SEMA3D: variants seen among roughly 807,000 people sequenced by gnomAD.
SEMA3D encodes the protein semaphorin 3D.
In SEMA3D, 84 loss-of-function variants were observed where a neutral mutation model predicts 100.1. The ratio of observed to expected loss-of-function variants is 0.84; its 90% CI spans 0.70 to 1.01. The LOEUF is 1.01. SEMA3D is among the 50% of genes least tolerant of loss of function. SEMA3D has a pLI of 0.00. For synonymous variants in SEMA3D, 312 were observed against 320.7 expected (o/e 0.97, Z 0.29); for missense variants, 875 against 934.1 (o/e 0.94, Z 0.82).
chr7:85,148,749 C>T (rs994427214), intron 2 of SEMA3D, among the ~76,000 whole-genome samples: 1 of 151,866 alleles, frequency 6.6e-6, no homozygotes, highest in Non-Finnish European at 1.5e-5. Context: ...TTAAATCAGT[C>T]GCGGTAACAT....
At chr7:85,226,656 T>A in the SEMA3D span, among the ~76,000 whole-genome samples, 1 of 152,110 alleles carries the variant, frequency 6.6e-6, no homozygotes. Context: ...AGTTTTCCAG[T>A]TTCAACACTG....
intron 8 of SEMA3D, among the ~76,000 whole-genome samples, chr7:85,057,337 CAG>C (rs1190788576): frequency 6.6e-6 from 1 of 151,902 alleles, no homozygotes; most frequent in African/African-American, 2.4e-5. Context: ...GCAAAGAAGA[CAG>C]AGAGTATGGT....
chr7:85,013,623 T>C (rs1308949449), intron 16 of SEMA3D, among the ~76,000 whole-genome samples: 1 of 151,778 alleles, frequency 6.6e-6, no homozygotes, highest in Non-Finnish European at 1.5e-5. Flanking sequence ...TACCAGTAAA[T>C]GTTCTGTGAT....
At chr7:85,019,279 G>A (rs1476417377) in intron 14 of SEMA3D, among the ~76,000 whole-genome samples, 4 of 151,716 alleles carry the variant, frequency 2.6e-5, no homozygotes, top group African/African-American at 9.7e-5. Context: ...ATGTGCTTAT[G>A]TGTGTTATAG....
intron 13 of SEMA3D, 67 bp from the exon 14 acceptor site, chr7:85,020,388 A>G: frequency 9.3e-7 from 1 of 1,074,994 alleles, no homozygotes; most frequent in East Asian, 2.5e-5. Context: ...GCATATCCCT[A>G]GAAACCTGCA....
chr7:85,244,054 C>T, the SEMA3D span, among the ~76,000 whole-genome samples: 1 of 151,798 alleles, frequency 6.6e-6, no homozygotes, highest in Non-Finnish European at 1.5e-5. Flanking sequence ...AAGAGAATAC[C>T]CAAGGCTAGG....
intron 1 of SEMA3D, among the ~76,000 whole-genome samples, chr7:85,163,562 T>C (rs1790806165): frequency 6.6e-6 from 1 of 152,068 alleles, no homozygotes; most frequent in Admixed American, 6.6e-5. Flanking sequence ...AATAACTAGG[T>C]AATTTAAAGA....
At chr7:85,220,018 T>C in the SEMA3D span, among the ~76,000 whole-genome samples, 1 of 152,092 alleles carries the variant, frequency 6.6e-6, no homozygotes, top group African/African-American at 2.4e-5. Flanking sequence ...TAGCAAATTG[T>C]CAGTCAATTT....
At chr7:85,120,990 G>C (rs11977652) in intron 3 of SEMA3D, among the ~76,000 whole-genome samples, 82,437 of 151,904 alleles carry the variant, frequency 0.54, 23,339 homozygotes, top group African/African-American at 0.71. Flanking sequence ...TATAAAATGT[G>C]ATCTTAAAGA....
the SEMA3D span, among the ~76,000 whole-genome samples, chr7:85,238,406 T>C: frequency 2.0e-5 from 3 of 152,220 alleles, no homozygotes; most frequent in Non-Finnish European, 4.4e-5. Context: ...TGCAGGTAAA[T>C]TCATTTTATT....
chr7:85,069,106 T>C (rs1791704290), intron 6 of SEMA3D, among the ~76,000 whole-genome samples: 1 of 152,196 alleles, frequency 6.6e-6, no homozygotes, highest in South Asian at 2.1e-4. Flanking sequence ...ACTCTGTGTA[T>C]GCACTAGTTA....
chr7:85,093,192 C>G (rs1788448690), intron 4 of SEMA3D, among the ~76,000 whole-genome samples: 1 of 152,006 alleles, frequency 6.6e-6, no homozygotes, highest in Non-Finnish European at 1.5e-5. Context: ...TCTGTTCCCT[C>G]TGTAAGTGTA....
At position 84,999,226 on chromosome 7, in the gene SEMA3D, T is replaced by C; in HGVS notation, c.*214A>G. 1 of 560,528 alleles carries C rather than the reference T, an allele frequency of 1.8e-6. No individual in the cohort carries two copies. The highest frequency in any genetic ancestry group is 1.9e-5 in the African/African-American group (1 of 53,406). 34.7% of individuals were successfully genotyped at this position (560,528 alleles called of 1,614,324 possible). A position where few individuals can be genotyped will look rare whatever the true frequency, so the allele number is the denominator to read the frequency against. On this transcript the variant is annotated 3_prime_UTR_variant, in exon 19 of 19. Coordinates refer to ENST00000284136, the MANE Select transcript of SEMA3D (RefSeq NM_001384900.1). ...CCCCCTATTTTTAGGATAATTCTTA[T>C]ACTTTGCTTGTGCAAGATTTGTTCT...
chr7:85,123,705 T>C (rs62462172), intron 2 of SEMA3D, among the ~76,000 whole-genome samples: 3,996 of 152,202 alleles, frequency 0.026, 73 homozygotes, highest in Non-Finnish European at 0.044. Flanking sequence ...TCATCAATCA[T>C]TACATTTCAT....
intron 4 of SEMA3D, among the ~76,000 whole-genome samples, chr7:85,096,789 G>A (rs1251338013): frequency 6.6e-6 from 1 of 151,698 alleles, no homozygotes; most frequent in African/African-American, 2.4e-5. Flanking sequence ...CTGATATTTG[G>A]CTATTAAATC....
chr7:85,138,850 C>A (rs979379707), intron 2 of SEMA3D, among the ~76,000 whole-genome samples: 1 of 151,230 alleles, frequency 6.6e-6, no homozygotes, highest in African/African-American at 2.4e-5. Flanking sequence ...TGTGATATTC[C>A]CCCCTGTCCA....
chr7:85,050,286 C>T (rs1791127698), intron 9 of SEMA3D: 1 of 152,660 alleles, frequency 6.6e-6, no homozygotes, highest in Admixed American at 6.6e-5. Context: ...TGTTATTTAC[C>T]ATCTACGAGA....
chr7:85,230,091 C>T, the SEMA3D span, among the ~76,000 whole-genome samples: 4 of 152,144 alleles, frequency 2.6e-5, no homozygotes, highest in African/African-American at 9.7e-5. Context: ...AGCAAAATAG[C>T]TTTGATTATA....
chr7:85,210,221 A>G, the SEMA3D span, among the ~76,000 whole-genome samples: 3 of 152,116 alleles, frequency 2.0e-5, no homozygotes, highest in African/African-American at 4.8e-5. Flanking sequence ...GGGTCTCTAC[A>G]TTAGGGAAGA....
Sources: allele counts gnomAD v4.1 joint callset (sites outside exome capture counted in the v4.1 genomes callset), GRCh38; gene constraint gnomAD v4.1.1; transcripts MANE v1.5; gene names NCBI Gene and HGNC (gene_info 2026-07-23, HGNC 2026-07-21).